Variants in PPP3CA observed in about 807,000 individuals in gnomAD.
PPP3CA encodes the protein CAM-PRP catalytic subunit.
Under a neutral mutation model 66.5 loss-of-function variants are expected in PPP3CA, and 14 were observed. The ratio of observed to expected loss-of-function variants is 0.21; its 90% CI spans 0.14 to 0.33. PPP3CA has a LOEUF of 0.33. Ranked by LOEUF, PPP3CA falls within the 10% of genes least tolerant of loss-of-function variation. The pLI is 1.00. For missense variants in PPP3CA, 317 were observed against 639.5 expected, an observed-to-expected ratio of 0.50 and a Z score of 5.44; for synonymous variants, 232 against 226.2, an observed-to-expected ratio of 1.03 and a Z score of -0.23.
intron 9 of PPP3CA, 26 bp downstream of exon 9, chr4:101,063,206 G>C (rs768686035): frequency 1.9e-6 from 3 of 1,604,554 alleles, no homozygotes; most frequent in Non-Finnish European, 1.7e-6. Flanking sequence ...ATTTTAAGAA[G>C]AACATCTCAG....
chr4:101,059,010 GGATT>G (rs1728346893), intron 10 of PPP3CA, among the ~76,000 whole-genome samples: 1 of 151,716 alleles, frequency 6.6e-6, no homozygotes, highest in South Asian at 2.1e-4. Flanking sequence ...TATTAATAGG[GGATT>G]ATTATTGTAT....
chr4:101,054,970 A>AT (rs1728166743), intron 10 of PPP3CA, among the ~76,000 whole-genome samples: 1 of 151,852 alleles, frequency 6.6e-6, no homozygotes, highest in Non-Finnish European at 1.5e-5. Flanking sequence ...TCACTTTATT[A>AT]TTTTTTCTTT....
chr4:101,335,886 A>C (rs1729614149), intron 1 of PPP3CA, among the ~76,000 whole-genome samples: 1 of 152,164 alleles, frequency 6.6e-6, no homozygotes, highest in Non-Finnish European at 1.5e-5. Flanking sequence ...CCTGGATTTA[A>C]AGGTAGACTC....
chr4:101,162,351 T>C (rs1192022650), intron 2 of PPP3CA, among the ~76,000 whole-genome samples: 1 of 151,578 alleles, frequency 6.6e-6, no homozygotes, highest in Non-Finnish European at 1.5e-5. Context: ...GCCAAGATGG[T>C]GAAACCCCAT....
At chr4:101,201,436 T>C (rs1192828926) in intron 1 of PPP3CA, among the ~76,000 whole-genome samples, 1 of 152,254 alleles carries the variant, frequency 6.6e-6, no homozygotes, top group Admixed American at 6.5e-5. Flanking sequence ...GGCCAGGGCA[T>C]TGGCCTATTT....
chr4:101,333,748 T>C (rs1231313926), intron 1 of PPP3CA, among the ~76,000 whole-genome samples: 2 of 152,216 alleles, frequency 1.3e-5, no homozygotes, highest in African/African-American at 4.8e-5. Flanking sequence ...CACAAATTCA[T>C]ATTGATTACA....
At chr4:101,299,122 T>TG (rs1728294700) in intron 1 of PPP3CA, among the ~76,000 whole-genome samples, 1 of 146,088 alleles carries the variant, frequency 6.8e-6, no homozygotes, top group African/African-American at 2.6e-5. Context: ...TTTTTTTTTT[T>TG]TTTTTTTTTT....
intron 8 of PPP3CA, 131 bp from the exon 9 acceptor site, chr4:101,063,488 C>G: frequency 9.9e-7 from 1 of 1,008,334 alleles, no homozygotes; most frequent in South Asian, 2.1e-5. Context: ...CCTTAGGCAT[C>G]CCAGAATGCT....
chr4:101,107,868 A>G (rs1721488487), intron 3 of PPP3CA, among the ~76,000 whole-genome samples: 1 of 152,226 alleles, frequency 6.6e-6, no homozygotes, highest in Non-Finnish European at 1.5e-5. Flanking sequence ...CTCTTTAATT[A>G]AGAATAATCA....
chr4:101,342,246 G>T (rs532413050), intron 1 of PPP3CA, among the ~76,000 whole-genome samples: 1 of 152,008 alleles, frequency 6.6e-6, no homozygotes, highest in Non-Finnish European at 1.5e-5. Context: ...TAAAATAAGG[G>T]TTCTATCCCA....
chr4:101,032,535 T>C (rs1279359155), intron 11 of PPP3CA, among the ~76,000 whole-genome samples, 171 bp from the exon 12 acceptor site: 1 of 152,204 alleles, frequency 6.6e-6, no homozygotes, highest in Admixed American at 6.5e-5. Flanking sequence ...TTTATTTATA[T>C]ACCAGTAATG....
In PPP3CA at chr4:101,097,408, C is replaced by G. The variant is rs190646326; in HGVS notation, c.642+959G>C. 1.7e-3 allele frequency among the ~76,000 whole-genome samples: 253 copies of G among 152,034 alleles called. 3 individuals carry two copies. Among genetic ancestry groups the G allele is most frequent in the African/African-American group, 5.7e-3 (237 of 41,488 alleles). On this transcript the variant is annotated intron_variant, in intron 5 of 13. Transcript: ENST00000394854. The stretch of plus-strand genomic sequence containing the variant: ...CAGTTTTCAACTGTTTATAATTCCT[C>G]CAGAAAAAATTTGGCTTAGATTTCC...
intron 1 of PPP3CA, among the ~76,000 whole-genome samples, chr4:101,224,719 C>A (rs1220285216): frequency 6.6e-6 from 1 of 151,680 alleles, no homozygotes; most frequent in African/African-American, 2.4e-5. Context: ...ATAAGGAAAT[C>A]GGGGCAGGGG....
intron 1 of PPP3CA, among the ~76,000 whole-genome samples, chr4:101,328,987 AC>A (rs1430198472): frequency 6.6e-6 from 1 of 151,676 alleles, no homozygotes; most frequent in Non-Finnish European, 1.5e-5. Context: ...CTTATTAATA[AC>A]CCTAAAATGG....
chr4:101,180,728 T>C (rs866069552), intron 2 of PPP3CA, among the ~76,000 whole-genome samples: 3 of 152,110 alleles, frequency 2.0e-5, no homozygotes, highest in African/African-American at 2.4e-5. Flanking sequence ...GTCATGATGA[T>C]GTTAGGGTAA....
intron 10 of PPP3CA, 120 bp from the exon 11 acceptor site, chr4:101,040,686 T>C: frequency 1.4e-6 from 1 of 698,108 alleles, no homozygotes; most frequent in Non-Finnish European, 2.2e-6. Context: ...TTTTTCCCCC[T>C]TAAGAGGATT....
intron 8 of PPP3CA, among the ~76,000 whole-genome samples, chr4:101,072,418 C>T (rs1438095459): frequency 6.6e-6 from 1 of 151,924 alleles, no homozygotes; most frequent in Admixed American, 6.6e-5. Flanking sequence ...GCTCTGCAGT[C>T]AGTCAGCTGA....
At chr4:101,090,848 ATAT>A (rs1729890897) in intron 6 of PPP3CA, among the ~76,000 whole-genome samples, 1 of 148,376 alleles carries the variant, frequency 6.7e-6, no homozygotes, top group South Asian at 2.1e-4. Flanking sequence ...ATCTGTGTCT[ATAT>A]TATAATATAC....
At chr4:101,117,149 T>C (rs1369476765) in intron 2 of PPP3CA, among the ~76,000 whole-genome samples, 2 of 151,794 alleles carry the variant, frequency 1.3e-5, no homozygotes, top group African/African-American at 2.4e-5. Flanking sequence ...TGAGAAACAG[T>C]GCAGGGAAAT....
Sources: allele counts gnomAD v4.1 joint callset (sites outside exome capture counted in the v4.1 genomes callset), GRCh38; gene constraint gnomAD v4.1.1; transcripts MANE v1.5; gene names NCBI Gene and HGNC (gene_info 2026-07-23, HGNC 2026-07-21).